The following CCBE1 variants were observed in gnomAD, a reference collection of about 807,000 sequenced individuals.
CCBE1 encodes collagen and calcium binding EGF domains 1, also known as collagen and calcium-binding EGF domain-containing protein 1.
In CCBE1, 37 loss-of-function variants were observed where a neutral mutation model predicts 50.0. The observed-to-expected ratio is 0.74, with a 90% confidence interval of 0.57 to 0.97. The LOEUF is 0.97. CCBE1 is among the 50% of genes least tolerant of loss of function. The pLI is 0.00. For synonymous variants in CCBE1, 234 were observed against 203.7 expected (o/e 1.15, Z -1.27); for missense variants, 538 against 523.8 (o/e 1.03, Z -0.26).
chr18:59,457,299 A>AG (rs1911241674), intron 5 of CCBE1, among the ~76,000 whole-genome samples: 1 of 152,198 alleles, frequency 6.6e-6, no homozygotes, highest in Non-Finnish European at 1.5e-5. Flanking sequence ...AAGGGGGAAT[A>AG]GGGAAGGGCT....
intron 5 of CCBE1, among the ~76,000 whole-genome samples, chr18:59,466,219 G>A (rs554400704): frequency 1.3e-5 from 2 of 152,158 alleles, no homozygotes; most frequent in East Asian, 3.9e-4. Context: ...CATGTGTCAT[G>A]GGAGGGACCT....
intron 2 of CCBE1, among the ~76,000 whole-genome samples, chr18:59,481,195 A>G (rs761599052): frequency 6.6e-6 from 1 of 152,200 alleles, no homozygotes; most frequent in Non-Finnish European, 1.5e-5. Context: ...ATTTTTAAAC[A>G]TGCTGCTGGA....
At chr18:59,537,800 AT>A (rs1915311577) in intron 2 of CCBE1, among the ~76,000 whole-genome samples, 1 of 152,214 alleles carries the variant, frequency 6.6e-6, no homozygotes, top group African/African-American at 2.4e-5. Flanking sequence ...AATGCGTGAT[AT>A]ACCTCAATAG....
intron 2 of CCBE1, among the ~76,000 whole-genome samples, chr18:59,678,946 ATAAAAG>A (rs2054547518): frequency 6.6e-6 from 1 of 152,260 alleles, no homozygotes; most frequent in African/African-American, 2.4e-5. Flanking sequence ...GGCTCTAAAC[ATAAAAG>A]TAAAATACAA....
intron 2 of CCBE1, among the ~76,000 whole-genome samples, chr18:59,503,203 C>G (rs999900270): frequency 6.6e-6 from 1 of 152,192 alleles, no homozygotes; most frequent in Non-Finnish European, 1.5e-5. Flanking sequence ...GTCCCCATTC[C>G]CTAGCCATTA....
At chr18:59,683,705 G>A (rs1285262594) in intron 2 of CCBE1, among the ~76,000 whole-genome samples, 1 of 140,492 alleles carries the variant, frequency 7.1e-6, no homozygotes, top group Non-Finnish European at 1.6e-5. Context: ...CTCAAAAAAA[G>A]AGAGGAAAGA....
At chr18:59,527,394 C>G (rs528309758) in intron 2 of CCBE1, among the ~76,000 whole-genome samples, 3 of 152,128 alleles carry the variant, frequency 2.0e-5, no homozygotes, top group Non-Finnish European at 4.4e-5. Flanking sequence ...TGTGTCTTTG[C>G]ACAGGAGATG....
chr18:59,680,267 C>T (rs530243358), intron 2 of CCBE1, among the ~76,000 whole-genome samples: 32 of 151,004 alleles, frequency 2.1e-4, no homozygotes, highest in African/African-American at 7.0e-4. Context: ...CGATCAGATA[C>T]GCACTTATCT....
At chr18:59,646,957 C>T (rs2054062529) in intron 2 of CCBE1, among the ~76,000 whole-genome samples, 1 of 152,236 alleles carries the variant, frequency 6.6e-6, no homozygotes, top group Non-Finnish European at 1.5e-5. Flanking sequence ...CTGGGGACCA[C>T]CAGCCTCAGT....
chr18:59,538,417 C>T lies in CCBE1; in HGVS notation c.213-58179G>A, dbSNP rs554159469. On this transcript the variant is annotated intron_variant, in intron 2 of 10. Coordinates refer to ENST00000439986, the MANE Select transcript of CCBE1 (RefSeq NM_133459.4). ...ATTATTGGGATACTTTGAAAAGGCG[C>T]GATGCAATGCCAAGAAGCAAATCAA... Among the ~76,000 whole-genome samples the T allele has an allele frequency of 6.6e-5, 10 of 152,278 alleles. No individual in the cohort carries two copies. In the South Asian group the frequency reaches 1.0e-3, roughly 16 times the overall value.
chr18:59,589,867 T>C (rs530735434), intron 2 of CCBE1, among the ~76,000 whole-genome samples: 196 of 150,276 alleles, frequency 1.3e-3, no homozygotes, highest in African/African-American at 4.7e-3. Context: ...TTCAGGAGTG[T>C]ATATTTGCTC....
intron 5 of CCBE1, among the ~76,000 whole-genome samples, chr18:59,457,166 C>G (rs953830198): frequency 1.6e-4 from 25 of 152,182 alleles, no homozygotes; most frequent in Admixed American, 9.8e-4. Context: ...ATAACAGGGC[C>G]ATCTTGTTAA....
At chr18:59,606,751 G>A (rs2053504171) in intron 2 of CCBE1, among the ~76,000 whole-genome samples, 1 of 152,204 alleles carries the variant, frequency 6.6e-6, no homozygotes, top group South Asian at 2.1e-4. Flanking sequence ...ATCTGAGCAT[G>A]AGTGCCTTGG....
chr18:59,644,773 C>A (rs1344122053), intron 2 of CCBE1, among the ~76,000 whole-genome samples: 2 of 152,172 alleles, frequency 1.3e-5, no homozygotes, highest in Non-Finnish European at 2.9e-5. Context: ...GACAGAAACT[C>A]TACCCACAAT....
At chr18:59,525,703 T>G (rs1479251077) in intron 2 of CCBE1, among the ~76,000 whole-genome samples, 1 of 152,224 alleles carries the variant, frequency 6.6e-6, no homozygotes, top group Non-Finnish European at 1.5e-5. Context: ...TTGATTTTCT[T>G]CTAGGGTTTT....
intron 3 of CCBE1, among the ~76,000 whole-genome samples, chr18:59,472,849 A>G (rs945416894): frequency 1.3e-5 from 2 of 152,240 alleles, no homozygotes; most frequent in African/African-American, 2.4e-5. Context: ...AGGCCTTACA[A>G]TCATGGAAGA....
intron 5 of CCBE1, among the ~76,000 whole-genome samples, chr18:59,463,589 T>G (rs1911593874): frequency 6.6e-6 from 1 of 152,158 alleles, no homozygotes; most frequent in Non-Finnish European, 1.5e-5. Context: ...CTCTGGAAAT[T>G]CCATCCCGCT....
chr18:59,616,388 C>G lies in CCBE1; in HGVS notation c.212+80241G>C, dbSNP rs985475097. Among the ~76,000 whole-genome samples, 5 of 152,216 alleles carry G rather than the reference C, an allele frequency of 3.3e-5. No individual in the cohort carries two copies. In the East Asian group the frequency reaches 9.6e-4, roughly 29 times the overall value. On this transcript the variant is annotated intron_variant, in intron 2 of 10. Coordinates refer to ENST00000439986, the MANE Select transcript of CCBE1 (RefSeq NM_133459.4). ...ACTCAAGTTCCAAAGTAAGAAATTT[C>G]AGGTTAAATGGCATTGTCTAACATA...
chr18:59,445,873 G>A (rs562430753), intron 7 of CCBE1, among the ~76,000 whole-genome samples: 11 of 152,194 alleles, frequency 7.2e-5, no homozygotes, highest in Non-Finnish European at 1.5e-4. Context: ...AGCACCTTAC[G>A]TATGACAGTG....
Sources: allele counts gnomAD v4.1 joint callset (sites outside exome capture counted in the v4.1 genomes callset), GRCh38; gene constraint gnomAD v4.1.1; transcripts MANE v1.5; gene names NCBI Gene and HGNC (gene_info 2026-07-23, HGNC 2026-07-21).